Variants in SLC4A3 observed in about 807,000 individuals in gnomAD.
SLC4A3 encodes the protein anion exchange protein 3.
In SLC4A3, 47 loss-of-function variants were observed where a neutral mutation model predicts 114.2. The ratio of observed to expected loss-of-function variants is 0.41; its 90% CI spans 0.33 to 0.52. The LOEUF (loss-of-function observed/expected upper bound fraction) is 0.52. SLC4A3 is among the 20% of genes least tolerant of loss of function. The probability of loss-of-function intolerance (pLI) is 0.21; values close to 1 mark genes in which losing one functional copy is unlikely to be tolerated. For synonymous variants in SLC4A3, 693 were observed against 710.3 expected, an observed-to-expected ratio of 0.98 and a Z score of 0.39; for missense variants, 1,312 against 1,668.3, an observed-to-expected ratio of 0.79 and a Z score of 3.72.
At chr2:219,635,183 G>A in intron 12 of SLC4A3, 88 bp from the exon 13 acceptor site, 1 of 1,008,558 alleles carries the variant, frequency 9.9e-7, no homozygotes, top group South Asian at 1.4e-5. Flanking sequence ...CCTGCCTGTA[G>A]CTCAGTGACC....
rs985596512 is a variant in SLC4A3, at chr2:219,639,694, G to A, written c.3236G>A (p.Arg1079Gln). The A allele has an allele frequency of 4.3e-6, 7 of 1,611,242 alleles. No homozygotes were observed. The highest frequency in any genetic ancestry group is 2.7e-5 in the African/African-American group (2 of 74,888). ...GACAAGCCCCAGATCCAGGAGGTGC[G>A]GGAGCAGCGGGTCACTGGTGTGCTC... ...PGDKPQIQEV[R>Q]EQRVTGVLIA... Residue 1079 changes from arginine (R) to glutamine (Q), a missense_variant, in exon 20 of 23, where the codon CGG (arginine) becomes CAG (glutamine). By Grantham distance (43) the Arg-to-Gln change is conservative. Transcript: ENST00000358055. The surrounding 1 kb of genome is among the most constrained non-coding windows in gnomAD (Gnocchi z 5.9).
chr2:219,630,386 A>G lies in SLC4A3; in HGVS notation c.811+34A>G, dbSNP rs1184661169. 3 of 1,560,732 alleles carry G rather than the reference A, an allele frequency of 1.9e-6. No individual in the cohort carries two copies. The highest frequency in any genetic ancestry group is 1.8e-5 in the Admixed American group (1 of 56,886). ...GACCTTGTGGCAGCCCCCATGGTCCACTGCGACGGACTCCCAGCCTGCGAG... is the reference window on the plus strand; with the variant it reads ...GACCTTGTGGCAGCCCCCATGGTCCGCTGCGACGGACTCCCAGCCTGCGAG... On this transcript the variant is annotated intron_variant, in intron 6 of 22. Transcript: ENST00000358055. The surrounding 1 kb of genome is among the most constrained non-coding windows in gnomAD (Gnocchi z 6.9).
At chr2:219,632,790 G>A (rs966733415) in intron 8 of SLC4A3, 84 bp from the exon 9 acceptor site, 11 of 1,564,262 alleles carry the variant, frequency 7.0e-6, no homozygotes, top group Non-Finnish European at 8.7e-6. Flanking sequence ...ACATTCGCAT[G>A]CTTTTGGGGG....
intron 11 of SLC4A3, 62 bp from the exon 12 acceptor site, chr2:219,634,358 C>A: frequency 1.3e-6 from 2 of 1,545,710 alleles, no homozygotes. Context: ...TAGATAGCTG[C>A]CCCAGGGCCT....
At chr2:219,634,680 GC>G in intron 12 of SLC4A3, 76 bp downstream of exon 12, 1 of 1,474,000 alleles carries the variant, frequency 6.8e-7, no homozygotes, top group Non-Finnish European at 9.2e-7. Context: ...CCACAGTGGT[GC>G]CCATAGAGGC....
chr2:219,640,914 G>A lies in SLC4A3; in HGVS notation c.3573G>A (p.Leu1191=). Residue 1191 remains leucine, a synonymous_variant, in exon 22 of 23, where the codon CTG becomes CTA. Coordinates refer to ENST00000358055, the MANE Select transcript of SLC4A3 (RefSeq NM_005070.4). ...TCCTGCTGCTGCTCACGGTGCCTCT[G>A]AGGCATTGCCTTCTGCCCCGGCTCT... ...FPFLLLLTVP[L]RHCLLPRLFQ... is the part of the protein sequence containing the mutation. 1 of 1,610,312 alleles carries A rather than the reference G, an allele frequency of 6.2e-7. No individual in the cohort carries two copies. Among genetic ancestry groups the A allele is most frequent in the Non-Finnish European group, 8.5e-7 (1 of 1,180,014 alleles).
chr2:219,631,564 G>A lies in SLC4A3; in HGVS notation c.812-404G>A. ...GAGTCTACTGGGCTGTGTACCTTCG[G>A]GGAGGGGACGTGGGTGTTGAGATAG... On this transcript the variant is annotated intron_variant, in intron 6 of 22. Transcript: ENST00000358055. The surrounding 1 kb of genome is among the most constrained non-coding windows in gnomAD (Gnocchi z 6.3). 1 of 1,054,030 alleles carries A rather than the reference G, an allele frequency of 9.5e-7. No homozygotes were observed. The highest frequency in any genetic ancestry group is 1.3e-6 in the Non-Finnish European group (1 of 797,122). The allele number at this position is 1,054,030 out of a possible 1,614,324, so 65.3% of individuals were successfully genotyped here.
Position 219,638,326 on chromosome 2 carries a change from TG to T in SLC4A3, c.2856+76del. ...AGAGGGAGCCCACAACACACTTCCATGGGCCCTGGGATTGGGATCAGGCCTG... is the reference window on the plus strand; with the variant it reads ...AGAGGGAGCCCACAACACACTTCCATGGCCCTGGGATTGGGATCAGGCCTG... On this transcript the variant is annotated intron_variant, in intron 18 of 22. Coordinates refer to ENST00000358055, the MANE Select transcript of SLC4A3 (RefSeq NM_005070.4). This position sits in a 1 kb window ranked among gnomAD's most constrained non-coding sequence, Gnocchi z 7.5. 1 of 1,190,322 alleles carries T rather than the reference TG, an allele frequency of 8.4e-7. No homozygotes were observed. Among genetic ancestry groups the T allele is most frequent in the Non-Finnish European group, 1.2e-6 (1 of 817,210 alleles). 73.7% of individuals were successfully genotyped at this position (1,190,322 alleles called of 1,614,324 possible).
Position 219,629,152 on chromosome 2 carries a change from C to T in SLC4A3, c.226C>T (p.His76Tyr). Residue 76 changes from histidine (H) to tyrosine (Y), a missense_variant, in exon 4 of 23, where the codon CAC becomes TAC. His to Tyr is a moderately conservative substitution (Grantham distance 83). This residue lies in a region of SLC4A3 where 236 missense variants were observed against 212.1 expected (regional missense o/e 1.11). Transcript: ENST00000358055. ...ATCTCCTGCACCCCCAGTTCACCGG[C>T]ACACATCCCACCACACCCACCACCC... ...YSERDFEFHR[H>Y]TSHHTHHPLS... The T allele has an allele frequency of 6.3e-7, 1 of 1,590,306 alleles. No individual in the cohort carries two copies.
In SLC4A3 at chr2:219,637,681, C is replaced by G. The variant is rs774777303; in HGVS notation, c.2636C>G (p.Pro879Arg). The G allele has an allele frequency of 5.0e-6, 8 of 1,611,340 alleles. No individual in the cohort carries two copies. In the African/African-American group the frequency reaches 9.4e-5, roughly 19 times the overall value. ...GAGCCAAATGGCAGTGCCCTGCCCCCCACCGAGGGCCCCCCCAGCCCGAGG... is the reference window on the plus strand; with the variant it reads ...GAGCCAAATGGCAGTGCCCTGCCCCGCACCGAGGGCCCCCCCAGCCCGAGG... The part of the protein sequence containing the change: ...GLEPNGSALP[P>R]TEGPPSPRNQ... Residue 879 changes from proline to arginine, a missense_variant, in exon 17 of 23, where the codon CCC becomes CGC. Physicochemically the swap from Pro to Arg is moderately radical, Grantham distance 103 (BLOSUM62 -2). Around this residue, in one of 4 missense-constraint regions of SLC4A3, gnomAD observed 771 missense variants for 977.7 expected, o/e 0.79. Coordinates refer to ENST00000358055, the MANE Select transcript of SLC4A3 (RefSeq NM_005070.4). The surrounding 1 kb of genome is among the most constrained non-coding windows in gnomAD (Gnocchi z 4.6).
At position 219,635,310 on chromosome 2, in the gene SLC4A3, G is replaced by A; in HGVS notation, c.1786G>A (p.Asp596Asn). The A allele has an allele frequency of 6.2e-6, 10 of 1,614,166 alleles. No homozygotes were observed. The highest frequency in any genetic ancestry group is 8.5e-6 in the Non-Finnish European group (10 of 1,180,030). Residue 596 changes from aspartate to asparagine, a missense_variant, in exon 13 of 23, where the codon GAC (aspartate) becomes AAC (asparagine). Physicochemically the swap from Asp to Asn is conservative, Grantham distance 23. This residue lies in a region of SLC4A3 where 771 missense variants were observed against 977.7 expected (regional missense o/e 0.79). Transcript: ENST00000358055. The part of the protein sequence containing the change: ...EAAYQADDRQ[D>N]LLSAISEFLD... ...TGCCTACCAGGCAGATGACCGGCAA[G>A]ACCTCCTAAGTGCCATCAGCGAGTT...
Position 219,633,957 on chromosome 2 carries a change from T to G in SLC4A3, c.1539T>G (p.Ala513=), listed in dbSNP as rs551452680. The G allele has an allele frequency of 2.5e-5, 39 of 1,557,630 alleles. No individual in the cohort carries two copies. Among genetic ancestry groups the G allele is most frequent in the Non-Finnish European group, 3.2e-5 (37 of 1,150,074 alleles). ...TGCTGGAGAAGATCCCTGAAGATGCTGAGGCCACGGTTGTGCTTGTGGGTG... is the reference window on the plus strand; with the variant it reads ...TGCTGGAGAAGATCCCTGAAGATGCGGAGGCCACGGTTGTGCTTGTGGGTG... ...LKLLEKIPED[A]EATVVLVGCV... The change falls in exon 11 of 23, where the codon GCT becomes GCG. Residue 513 remains alanine (A), a synonymous_variant. Coordinates refer to ENST00000358055, the MANE Select transcript of SLC4A3 (RefSeq NM_005070.4).
chr2:219,633,197 AC>A, intron 9 of SLC4A3, 76 bp from the exon 10 acceptor site: 1 of 1,395,332 alleles, frequency 7.2e-7, no homozygotes, highest in Non-Finnish European at 9.8e-7. Context: ...GGAGGTCCTG[AC>A]CCTCCACTAC....
chr2:219,633,169 A>G, intron 9 of SLC4A3, 105 bp from the exon 10 acceptor site: 1 of 1,382,028 alleles, frequency 7.2e-7, no homozygotes, highest in Non-Finnish European at 1.0e-6. Context: ...GTTTCTTTTT[A>G]CACTGAGGCA....
In SLC4A3 at chr2:219,640,554, C is replaced by T. The variant is rs1377325585; in HGVS notation, c.3402C>T (p.Ile1134=). 6.2e-7 allele frequency: 1 copy of T among 1,614,188 alleles called. No homozygotes were observed. Residue 1134 remains isoleucine (I), a synonymous_variant, in exon 21 of 23, where the codon ATC becomes ATT. Coordinates refer to ENST00000358055, the MANE Select transcript of SLC4A3 (RefSeq NM_005070.4). ...GIQLSQRLLL[I]LMPAKHHPEQ... Reference sequence around the variant, plus strand: ...AGCTGTCCCAGCGTTTGTTGCTCATCCTCATGCCGGCAAAACACCATCCTG... The same window carrying T: ...AGCTGTCCCAGCGTTTGTTGCTCATTCTCATGCCGGCAAAACACCATCCTG...
In SLC4A3 at chr2:219,636,536, A is replaced by C; in HGVS notation, c.2340+86A>C. 9 of 1,479,178 alleles carry C rather than the reference A, an allele frequency of 6.1e-6. No homozygotes were observed. The highest frequency in any genetic ancestry group is 8.1e-6 in the Non-Finnish European group (9 of 1,106,698). 91.6% of individuals were successfully genotyped at this position (1,479,178 alleles called of 1,614,324 possible). On this transcript the variant is annotated intron_variant, in intron 15 of 22. Coordinates refer to ENST00000358055, the MANE Select transcript of SLC4A3 (RefSeq NM_005070.4). The surrounding 1 kb of genome is among the most constrained non-coding windows in gnomAD (Gnocchi z 5.5). ...CTGCCCCACACTCTTCCTTACCTAC[A>C]TCCTGCCCCACACTCTTCCTTACCT...
At position 219,628,563 on chromosome 2, in the gene SLC4A3, C is replaced by CT; in HGVS notation, c.213dup (p.Glu72Ter). ...CCAGCCGCAGCTACAGCGAGCGGGACTTTGAGTGTGGGTAGCCTGGGGACC... is the reference window on the plus strand; with the variant it reads ...CCAGCCGCAGCTACAGCGAGCGGGACTTTTGAGTGTGGGTAGCCTGGGGACC... On this transcript the variant is annotated frameshift_variant, in exon 3 of 23. Transcript: ENST00000358055. LOFTEE classifies it high-confidence loss of function. This position sits in a 1 kb window ranked among gnomAD's most constrained non-coding sequence, Gnocchi z 4.8. The CT allele has an allele frequency of 6.2e-7, 1 of 1,612,652 alleles. No homozygotes were observed. Among genetic ancestry groups the CT allele is most frequent in the African/African-American group, 1.3e-5 (1 of 74,910 alleles).
chr2:219,628,160 G>T lies in SLC4A3; in HGVS notation c.51+117G>T. 4 of 894,792 alleles carry T rather than the reference G, an allele frequency of 4.5e-6. No individual in the cohort carries two copies. The highest frequency in any genetic ancestry group is 6.6e-6 in the Non-Finnish European group (4 of 604,470). The allele number at this position is 894,792 out of a possible 1,614,324, so 55.4% of individuals were successfully genotyped here. A position where few individuals can be genotyped will look rare whatever the true frequency, so the allele number is the denominator to read the frequency against. On this transcript the variant is annotated intron_variant, in intron 2 of 22. Transcript: ENST00000358055. The surrounding 1 kb of genome is among the most constrained non-coding windows in gnomAD (Gnocchi z 4.8). The stretch of plus-strand genomic sequence containing the variant: ...ACCCCCCAGATCCAGGGATGAGCTG[G>T]GCTGGGGGTTACGGAGAAAGAGGGG...
chr2:219,631,031 TG>T lies in SLC4A3; in HGVS notation c.811+685del, dbSNP rs1238784263. ...TCCGATGGCAGCAGTAGCAGCAGGA[TG>T]GGGGGTGGGGGAGGGCGTGTTTACA... On this transcript the variant is annotated intron_variant, in intron 6 of 22. Coordinates refer to ENST00000358055, the MANE Select transcript of SLC4A3 (RefSeq NM_005070.4). This position sits in a 1 kb window ranked among gnomAD's most constrained non-coding sequence, Gnocchi z 6.3. 6 of 524,316 alleles carry T rather than the reference TG, an allele frequency of 1.1e-5. No homozygotes were observed. The highest frequency in any genetic ancestry group is 1.6e-4 in the East Asian group (1 of 6,394). The allele number at this position is 524,316 out of a possible 1,614,324, so 32.5% of individuals were successfully genotyped here. A position where few individuals can be genotyped will look rare whatever the true frequency, so the allele number is the denominator to read the frequency against.
Sources: allele counts gnomAD v4.1 joint callset, GRCh38; gene constraint gnomAD v4.1.1; regional missense constraint gnomAD v4.1.1; non-coding constraint Gnocchi (gnomAD v3.1); transcripts MANE v1.5; gene names NCBI Gene and HGNC (gene_info 2026-07-23, HGNC 2026-07-21).